RBFOX1: variants seen among roughly 807,000 people sequenced by gnomAD.
The protein encoded by RBFOX1 is RNA binding protein fox-1 homolog 1.
Under a neutral mutation model 57.7 loss-of-function variants are expected in RBFOX1, and 8 were observed. The observed-to-expected ratio is 0.14, with a 90% CI of 0.08 to 0.25. RBFOX1 has a LOEUF of 0.25. Among genes scored for constraint, RBFOX1 ranks in the 10% least tolerant of loss-of-function variants. The pLI, the probability that RBFOX1 is intolerant of heterozygous loss-of-function variation, is 1.00. For synonymous variants in RBFOX1, 326 were observed against 222.4 expected (o/e 1.47, Z -4.15); for missense variants, 611 against 548.5 (o/e 1.11, Z -1.14).
intron 1 of RBFOX1, among the ~76,000 whole-genome samples, chr16:6,230,735 G>C (rs1335805013): frequency 1.3e-5 from 2 of 152,190 alleles, no homozygotes; most frequent in East Asian, 3.8e-4. Context: ...CTTAAGGAAA[G>C]AGCTGCACAC....
chr16:5,946,227 C>T lies in RBFOX1; in HGVS notation c.351+78892C>T, dbSNP rs1031710130. ...GGCTCTGCCACATTAGATGCCTTCA[C>T]GTCTCTAAGTGTCTCTAAGTCTCAG... is the stretch of plus-strand genomic sequence containing the variant. On this transcript the variant is annotated intron_variant, in intron 4 of 19. Coordinates refer to the RBFOX1 transcript ENST00000641259. The surrounding 1 kb of genome is among the most constrained non-coding windows in gnomAD (Gnocchi z 4.6). Among the ~76,000 whole-genome samples the T allele has an allele frequency of 3.9e-5, 6 of 152,200 alleles. No homozygotes were observed. Among genetic ancestry groups the T allele is most frequent in the South Asian group, 2.1e-4 (1 of 4,828 alleles).
At chr16:7,242,983 C>T (rs1222858977) in intron 4 of RBFOX1, among the ~76,000 whole-genome samples, 3 of 152,142 alleles carry the variant, frequency 2.0e-5, no homozygotes, top group African/African-American at 4.8e-5. Flanking sequence ...TCTCTTCCTC[C>T]TCCTCCTCTT....
intron 3 of RBFOX1, among the ~76,000 whole-genome samples, chr16:5,763,498 A>G (rs1015854275): frequency 1.3e-5 from 2 of 152,204 alleles, no homozygotes; most frequent in African/African-American, 2.4e-5. Flanking sequence ...GCTCTTGGGG[A>G]TGAAGGGGGC....
rs193119651 is a variant in RBFOX1, at chr16:7,105,594, C to T, written c.27+53496C>T. On this transcript the variant is annotated intron_variant, in intron 4 of 15. Transcript: ENST00000550418. ...ACATACAACGTTTGGTTTTGCATTCCTGAGTTAGTCTGCAATCTCATCCAG... is the reference window on the plus strand; with the variant it reads ...ACATACAACGTTTGGTTTTGCATTCTTGAGTTAGTCTGCAATCTCATCCAG... Among the ~76,000 whole-genome samples the T allele has an allele frequency of 2.2e-3, 333 of 152,144 alleles. 1 individual carries two copies. The highest frequency in any genetic ancestry group is 7.4e-3 in the African/African-American group (306 of 41,534).
intron 1 of RBFOX1, among the ~76,000 whole-genome samples, chr16:5,419,148 C>T (rs1242923638): frequency 6.6e-6 from 1 of 152,082 alleles, no homozygotes; most frequent in Non-Finnish European, 1.5e-5. Context: ...GGGATGGTCT[C>T]TGTATTAGGG....
intron 4 of RBFOX1, among the ~76,000 whole-genome samples, chr16:7,175,522 G>A (rs920844470): frequency 6.6e-6 from 1 of 152,114 alleles, no homozygotes; most frequent in Non-Finnish European, 1.5e-5. Flanking sequence ...TTGAGCCTAT[G>A]GGCTGGTTGT....
intron 1 of RBFOX1, among the ~76,000 whole-genome samples, chr16:6,116,896 G>A (rs1282393972): frequency 6.6e-6 from 1 of 152,174 alleles, no homozygotes; most frequent in Non-Finnish European, 1.5e-5. Flanking sequence ...GAGATAAGAT[G>A]AAATTGGGAG....
chr16:7,024,497 A>G (rs76388605), intron 3 of RBFOX1, among the ~76,000 whole-genome samples: 4 of 152,194 alleles, frequency 2.6e-5, no homozygotes, highest in Admixed American at 6.5e-5. Context: ...AATAATAAGC[A>G]GTAGTTATAG....
intron 5 of RBFOX1, among the ~76,000 whole-genome samples, chr16:7,526,277 G>A (rs1447526471): frequency 6.6e-6 from 1 of 152,136 alleles, no homozygotes; most frequent in Non-Finnish European, 1.5e-5. Flanking sequence ...GGGGACTGCT[G>A]CCCTAGAGGA....
At chr16:6,227,727 C>T (rs552456980) in intron 1 of RBFOX1, among the ~76,000 whole-genome samples, 8 of 152,266 alleles carry the variant, frequency 5.3e-5, no homozygotes, top group South Asian at 4.2e-4. Context: ...GCTGAAGTAG[C>T]TCTATAGGGC....
intron 4 of RBFOX1, among the ~76,000 whole-genome samples, chr16:5,966,353 C>T (rs1256693485): frequency 6.6e-6 from 1 of 152,174 alleles, no homozygotes; most frequent in Non-Finnish European, 1.5e-5. Flanking sequence ...TCCAGGGAAG[C>T]CTCATGGGGC....
intron 1 of RBFOX1, among the ~76,000 whole-genome samples, chr16:6,161,905 C>A (rs17139480): frequency 1.3e-5 from 2 of 152,190 alleles, no homozygotes; most frequent in East Asian, 3.8e-4. Flanking sequence ...AGAGTACATG[C>A]TTTCCAGCCA....
chr16:5,482,850 A>G (rs1369861385), intron 2 of RBFOX1, among the ~76,000 whole-genome samples: 1 of 152,150 alleles, frequency 6.6e-6, no homozygotes, highest in African/African-American at 2.4e-5. Flanking sequence ...TGGGGCATTC[A>G]TTTCTTGCTC....
chr16:6,844,925 C>G (rs887187738), intron 3 of RBFOX1, among the ~76,000 whole-genome samples: 3 of 152,180 alleles, frequency 2.0e-5, no homozygotes, highest in African/African-American at 4.8e-5. Context: ...TTGAATTTCT[C>G]TAATGATCAG....
At chr16:7,209,400 C>G (rs900124453) in intron 4 of RBFOX1, among the ~76,000 whole-genome samples, 5 of 152,110 alleles carry the variant, frequency 3.3e-5, no homozygotes, top group African/African-American at 1.2e-4. Context: ...TAGATTAGAG[C>G]CCACCCTAGT....
rs368131525 is a variant in RBFOX1, at chr16:5,609,296, T to A, written c.318+10335T>A. The stretch of plus-strand genomic sequence containing the variant: ...ACAGAAAGGAGAGCTGTATTTTAAA[T>A]GTGAATTTCCAATACGCCATCAGTC... On this transcript the variant is annotated intron_variant, in intron 3 of 19. Transcript: ENST00000641259. 7.5e-4 allele frequency among the ~76,000 whole-genome samples: 114 copies of A among 152,292 alleles called. 1 individual carries two copies. The South Asian group carries it at 0.022, about 30-fold the overall frequency.
At chr16:7,059,899 G>C (rs953155767) in intron 4 of RBFOX1, among the ~76,000 whole-genome samples, 11 of 152,064 alleles carry the variant, frequency 7.2e-5, no homozygotes, top group African/African-American at 2.4e-4. Flanking sequence ...AAAAAGAGCT[G>C]TTTCTATGAA....
chr16:6,446,106 A>G (rs955500434), intron 2 of RBFOX1, among the ~76,000 whole-genome samples: 36 of 152,172 alleles, frequency 2.4e-4, no homozygotes, highest in African/African-American at 7.7e-4. Context: ...CCAGGAATAC[A>G]TGCACGTGCC....
At chr16:6,144,910 T>C (rs529957974) in intron 1 of RBFOX1, among the ~76,000 whole-genome samples, 4 of 152,214 alleles carry the variant, frequency 2.6e-5, no homozygotes, top group Non-Finnish European at 5.9e-5. Flanking sequence ...GTTGTACCTG[T>C]GGAGTCTATT....
Sources: gnomAD v4.1 joint callset for allele counts (sites outside exome capture counted in the v4.1 genomes callset) on GRCh38, gnomAD v4.1.1 for gene constraint, Gnocchi (gnomAD v3.1) non-coding constraint, MANE v1.5 for transcripts, NCBI Gene and HGNC (gene_info 2026-07-23, HGNC 2026-07-21) for gene names.